Variants in THOC1 observed in about 807,000 individuals in gnomAD.
The protein encoded by THOC1 is THO complex 1.
THOC1 carries 29 observed loss-of-function variants against 97.3 expected under a neutral mutation model. The observed-to-expected ratio is 0.30, with a 90% CI of 0.22 to 0.41. THOC1 has a LOEUF of 0.41. Among genes scored for constraint, THOC1 ranks in the 10% least tolerant of loss-of-function variants. The pLI is 1.00. For missense variants in THOC1, 529 were observed against 761.9 expected (o/e 0.69, Z 3.60); for synonymous variants, 255 against 257.0 (o/e 0.99, Z 0.07).
rs1232110006 is a variant in THOC1, at chr18:265,317, G to C, written c.175C>G (p.Leu59Val). 6.3e-7 allele frequency: 1 copy of C among 1,595,716 alleles called. No homozygotes were observed. The highest frequency in any genetic ancestry group is 8.5e-7 in the Non-Finnish European group (1 of 1,174,074). Residue 59 changes from leucine (L) to valine (V), a missense_variant, in exon 3 of 21, where the codon CTA becomes GTA. Leu to Val is a conservative substitution (Grantham distance 32). Around this residue, in one of 8 missense-constraint regions of THOC1, gnomAD observed 114 missense variants for 97.4 expected, o/e 1.17. Transcript: ENST00000261600. ...AACATACTTACAATTTCTTCTTCTA[G>C]AATACCTCTGAAAGCTTGGTCAAGG... ...CTLDQAFRGI[L>V]EEEIINHSSC...
chr18:215,422 T>C lies in THOC1; in HGVS notation c.1678+7A>G. On this transcript the variant is annotated splice_region_variant and intron_variant, in intron 20 of 20. Transcript: ENST00000261600. ...TTGTTAAATAACCAAGAAAATTCAGTTCTTACTTTCATTTTCCTTCAGTAG... is the reference window on the plus strand; with the variant it reads ...TTGTTAAATAACCAAGAAAATTCAGCTCTTACTTTCATTTTCCTTCAGTAG... 6.2e-7 allele frequency: 1 copy of C among 1,609,024 alleles called. No individual in the cohort carries two copies. The highest frequency in any genetic ancestry group is 8.5e-7 in the Non-Finnish European group (1 of 1,175,676).
chr18:246,998 A>C (rs1912117711), intron 10 of THOC1, among the ~76,000 whole-genome samples: 1 of 151,920 alleles, frequency 6.6e-6, no homozygotes, highest in Non-Finnish European at 1.5e-5. Flanking sequence ...CATTTTTAAG[A>C]GTGTACAGAA....
At position 225,344 on chromosome 18, in the gene THOC1, A is replaced by G. The variant is rs1911244046; in HGVS notation, c.1079T>C (p.Val360Ala). Residue 360 changes from valine to alanine, a missense_variant, in exon 13 of 21, where the codon GTT becomes GCT. Around this residue, in one of 8 missense-constraint regions of THOC1, gnomAD observed 123 missense variants for 159.0 expected, o/e 0.77. Coordinates refer to ENST00000261600, the MANE Select transcript of THOC1 (RefSeq NM_005131.3). ...SLWIEDTTKS[V>A]YQLLSENPPD... ...GTTGCGTGTTGAACTTACTTGATAA[A>G]CTGATTTTGTAGTATCTTCAATCCA... 1.9e-6 allele frequency: 3 copies of G among 1,613,394 alleles called. No homozygotes were observed. In the South Asian group the frequency reaches 3.3e-5, roughly 18 times the overall value.
Position 215,516 on chromosome 18 carries a change from AAAG to A in THOC1, c.1603-15_1603-13del. On this transcript the variant is annotated splice_polypyrimidine_tract_variant and intron_variant, in intron 19 of 20. Transcript: ENST00000261600. ...TCTTCAGAAGGAGGCTAAAAATGAG[AAAG>A]AAGAATGTTTGAAAGAATGCCAGCC... The A allele has an allele frequency of 1.2e-5, 19 of 1,606,226 alleles. No homozygotes were observed. Among genetic ancestry groups the A allele is most frequent in the Non-Finnish European group, 1.5e-5 (18 of 1,173,194 alleles).
At chr18:258,752 C>CA (rs1390891861) in intron 7 of THOC1, among the ~76,000 whole-genome samples, 1 of 152,038 alleles carries the variant, frequency 6.6e-6, no homozygotes, top group Non-Finnish European at 1.5e-5. Flanking sequence ...GTATTTGTTT[C>CA]ATTATTATTC....
At chr18:236,387 G>C (rs1357663617) in intron 11 of THOC1, among the ~76,000 whole-genome samples, 1 of 121,304 alleles carries the variant, frequency 8.2e-6, no homozygotes, top group Non-Finnish European at 1.6e-5. Flanking sequence ...ACGGAGTCTC[G>C]CTCTGTCGCC....
At chr18:235,669 T>C (rs1211330101) in intron 11 of THOC1, among the ~76,000 whole-genome samples, 5 of 152,194 alleles carry the variant, frequency 3.3e-5, no homozygotes, top group Non-Finnish European at 2.9e-5. Flanking sequence ...GCAGCTCTAA[T>C]TTTAGAATTC....
chr18:230,160 G>A (rs757361762), intron 11 of THOC1, among the ~76,000 whole-genome samples: 2 of 152,154 alleles, frequency 1.3e-5, no homozygotes, highest in South Asian at 2.1e-4. Flanking sequence ...CTAATTCAAT[G>A]AGAGGCTCCA....
intron 9 of THOC1, among the ~76,000 whole-genome samples, chr18:251,323 T>A (rs1235493595): frequency 6.6e-6 from 1 of 152,146 alleles, no homozygotes; most frequent in Admixed American, 6.5e-5. Flanking sequence ...CAGAAATACA[T>A]CTCCCTGGGC....
At chr18:219,458 A>G (rs1191877523) in intron 17 of THOC1, among the ~76,000 whole-genome samples, 1 of 134,444 alleles carries the variant, frequency 7.4e-6, no homozygotes, top group African/African-American at 2.8e-5. Flanking sequence ...TGAGCGGTAC[A>G]AAATAACCAG....
At position 225,085 on chromosome 18, in the gene THOC1, A is replaced by T. The variant is rs929042081; in HGVS notation, c.1137+4T>A. 1 of 1,574,076 alleles carries T rather than the reference A, an allele frequency of 6.4e-7. No homozygotes were observed. The highest frequency in any genetic ancestry group is 1.3e-5 in the African/African-American group (1 of 74,090). ...AAGAGGATGTAAGCATAAAAAACAC[A>T]TACCTCTACCATCTTTGAAAATCTT... On this transcript the variant is annotated splice_donor_region_variant and intron_variant, in intron 14 of 20. Coordinates refer to ENST00000261600, the MANE Select transcript of THOC1 (RefSeq NM_005131.3).
Position 254,181 on chromosome 18 carries a change from G to A in THOC1, c.603+92C>T. On this transcript the variant is annotated intron_variant, in intron 8 of 20. Transcript: ENST00000261600. The surrounding 1 kb of genome is among the most constrained non-coding windows in gnomAD (Gnocchi z 4.1). Reference sequence around the variant, plus strand: ...CCCACCTCAGCCTCCCAAAGTGCTAGGATTACAAGTGTGAGCCACTGTGCC... The same window carrying A: ...CCCACCTCAGCCTCCCAAAGTGCTAAGATTACAAGTGTGAGCCACTGTGCC... 2 of 889,458 alleles carry A rather than the reference G, an allele frequency of 2.2e-6. No homozygotes were observed. The highest frequency in any genetic ancestry group is 2.2e-4 in the Middle Eastern group (1 of 4,640). The allele number at this position is 889,458 out of a possible 1,614,324, so 55.1% of individuals were successfully genotyped here. A position where few individuals can be genotyped will look rare whatever the true frequency, so the allele number is the denominator to read the frequency against.
chr18:264,123 G>C (rs751943278), intron 3 of THOC1, 31 bp from the exon 4 acceptor site: 18 of 1,525,338 alleles, frequency 1.2e-5, no homozygotes, highest in East Asian at 2.3e-5. Context: ...ATTTAATTTA[G>C]GGGCAAGAGT....
intron 10 of THOC1, among the ~76,000 whole-genome samples, chr18:247,210 A>C (rs533401700): frequency 6.8e-4 from 103 of 152,364 alleles, no homozygotes; most frequent in Middle Eastern, 3.4e-3. Flanking sequence ...AAAATAACAT[A>C]ACACACACCA....
In THOC1 at chr18:260,237, C is replaced by G; in HGVS notation, c.324G>C (p.Gln108His). ...GDVLDCLPLD[Q>H]CDTIFTFVEK... is the part of the protein sequence containing the mutation. ...CCACAAAAGTGAATATTGTGTCACA[C>G]TGATCCAAAGGAAGACAATCCAAAA... The change falls in exon 5 of 21, where the codon CAG becomes CAC. Residue 108 changes from glutamine (Q) to histidine (H), a missense_variant. By Grantham distance (24) the Gln-to-His change is conservative. This residue lies in a region of THOC1 where 49 missense variants were observed against 91.7 expected (regional missense o/e 0.53). Transcript: ENST00000261600. 1 of 1,595,448 alleles carries G rather than the reference C, an allele frequency of 6.3e-7. No individual in the cohort carries two copies. The highest frequency in any genetic ancestry group is 8.5e-7 in the Non-Finnish European group (1 of 1,171,524).
At chr18:252,404 T>C (rs1912306435) in intron 9 of THOC1, 135 bp downstream of exon 9, 2 of 681,030 alleles carry the variant, frequency 2.9e-6, no homozygotes, top group African/African-American at 1.8e-5. Context: ...TTAAGTAATA[T>C]ACATGAAAAT....
intron 9 of THOC1, among the ~76,000 whole-genome samples, chr18:249,877 G>A (rs1567853802): frequency 6.6e-6 from 1 of 152,110 alleles, no homozygotes; most frequent in Admixed American, 6.5e-5. Context: ...ATGTAAGATT[G>A]AATATAATAA....
chr18:251,899 T>C (rs1912291285), intron 9 of THOC1, among the ~76,000 whole-genome samples: 1 of 152,188 alleles, frequency 6.6e-6, no homozygotes, highest in East Asian at 1.9e-4. Flanking sequence ...CAAATGCATG[T>C]ATAGCTCACA....
At chr18:245,655 C>CT (rs1433256996) in intron 11 of THOC1, 1 of 152,446 alleles carries the variant, frequency 6.6e-6, no homozygotes, top group East Asian at 1.9e-4. Flanking sequence ...CATTTAGTCT[C>CT]TGTTACTTGT....
Sources: allele counts gnomAD v4.1 joint callset (sites outside exome capture counted in the v4.1 genomes callset), GRCh38; gene constraint gnomAD v4.1.1; regional missense constraint gnomAD v4.1.1; non-coding constraint Gnocchi (gnomAD v3.1); transcripts MANE v1.5; gene names NCBI Gene and HGNC (gene_info 2026-07-23, HGNC 2026-07-21).